Variants in PPP5C observed in about 807,000 individuals in gnomAD.
PPP5C encodes the protein serine/threonine-protein phosphatase 5.
A neutral mutation model predicts 66.7 loss-of-function variants in PPP5C; 21 were observed. That is an observed-to-expected ratio of 0.31 (90% confidence interval 0.22 to 0.45). The LOEUF (loss-of-function observed/expected upper bound fraction) is 0.45. Among genes scored for constraint, PPP5C ranks in the 20% least tolerant of loss-of-function variants. The pLI is 1.00. For missense variants in PPP5C, 464 were observed against 675.9 expected (o/e 0.69, Z 3.48); for synonymous variants, 246 against 257.4 (o/e 0.96, Z 0.43).
At chr19:46,382,690 A>G (rs1251455881) in intron 4 of PPP5C, 1 of 640,150 alleles carries the variant, frequency 1.6e-6, no homozygotes, top group Non-Finnish European at 1.9e-6. Context: ...AGTTGCAGCC[A>G]TCATAACCTG....
intron 2 of PPP5C, among the ~76,000 whole-genome samples, chr19:46,365,868 C>T (rs568598724): frequency 9.8e-5 from 15 of 152,294 alleles, no homozygotes; most frequent in African/African-American, 3.6e-4. Flanking sequence ...GAAGTGCAGC[C>T]ACCAGTGCCA....
At chr19:46,351,916 G>A (rs1248302124) in intron 1 of PPP5C, among the ~76,000 whole-genome samples, 1 of 152,226 alleles carries the variant, frequency 6.6e-6, no homozygotes, top group Non-Finnish European at 1.5e-5. Context: ...CGGAGGAGGG[G>A]ACATGTGAGC....
rs1188993039 is a variant in PPP5C, at chr19:46,347,226, G to A, written c.121+9G>A. On this transcript the variant is annotated intron_variant, in intron 1 of 12. Coordinates refer to ENST00000012443, the MANE Select transcript of PPP5C (RefSeq NM_006247.4). ...CAATGACTACTTCAAAGGTGCGCCC[G>A]CCTGGCAGGGAGGGTGGACAGTGGC... The A allele has an allele frequency of 1.3e-6, 2 of 1,599,534 alleles. No homozygotes were observed. Among genetic ancestry groups the A allele is most frequent in the Admixed American group, 1.7e-5 (1 of 58,384 alleles).
At chr19:46,379,456 G>A (rs1335619097) in intron 4 of PPP5C, among the ~76,000 whole-genome samples, 1 of 152,130 alleles carries the variant, frequency 6.6e-6, no homozygotes, top group Non-Finnish European at 1.5e-5. Context: ...CTAAAGTGCT[G>A]GAATTACAGG....
chr19:46,389,460 C>CACACACACAG (rs1568580025), intron 11 of PPP5C, among the ~76,000 whole-genome samples: 5 of 120,810 alleles, frequency 4.1e-5, no homozygotes, highest in Admixed American at 1.7e-4. Context: ...CACACACACA[C>CACACACACAG]AGTGTTGATC....
intron 7 of PPP5C, 67 bp downstream of exon 7, chr19:46,384,976 G>T: frequency 5.0e-6 from 6 of 1,188,442 alleles, no homozygotes; most frequent in Non-Finnish European, 7.5e-6. Context: ...ACTCTGCAAG[G>T]ATAATAGTTG....
chr19:46,371,767 G>A (rs1240022543), intron 2 of PPP5C, among the ~76,000 whole-genome samples: 2 of 152,186 alleles, frequency 1.3e-5, no homozygotes, highest in African/African-American at 2.4e-5. Flanking sequence ...CACTAGCAGC[G>A]GCATTTCCTG....
intron 2 of PPP5C, among the ~76,000 whole-genome samples, chr19:46,369,961 C>T (rs1435990946): frequency 6.6e-6 from 1 of 151,172 alleles, no homozygotes; most frequent in Non-Finnish European, 1.5e-5. Context: ...TCTAGTACAC[C>T]TGTTTAGGGC....
intron 2 of PPP5C, among the ~76,000 whole-genome samples, chr19:46,371,576 T>C (rs1817926682): frequency 1.3e-5 from 2 of 152,136 alleles, no homozygotes; most frequent in African/African-American, 4.8e-5. Flanking sequence ...AGTCAGGCCA[T>C]AAGCAGGGCA....
intron 2 of PPP5C, among the ~76,000 whole-genome samples, chr19:46,374,622 C>T (rs573451641): frequency 6.6e-5 from 10 of 152,298 alleles, no homozygotes; most frequent in African/African-American, 2.2e-4. Context: ...TCACTGGGAA[C>T]TTGCTATGTC....
chr19:46,355,063 G>A (rs1972260377), intron 2 of PPP5C, among the ~76,000 whole-genome samples: 1 of 152,250 alleles, frequency 6.6e-6, no homozygotes, highest in African/African-American at 2.4e-5. Context: ...GCACAGATGA[G>A]GAAACAGTCC....
Position 46,388,664 on chromosome 19 carries a change from A to G in PPP5C, c.1288A>G (p.Lys430Glu), listed in dbSNP as rs1972935105. The change falls in exon 11 of 13, where the codon AAG becomes GAG. Residue 430 changes from lysine (K) to glutamate (E), a missense_variant. Coordinates refer to ENST00000012443, the MANE Select transcript of PPP5C (RefSeq NM_006247.4). This position sits in a 1 kb window ranked among gnomAD's most constrained non-coding sequence, Gnocchi z 4.9. ...CTATATCATCCGCAGCCACGAAGTCAAGGCCGAGGGCTACGAGGTGGCTCA... is the reference window on the plus strand; with the variant it reads ...CTATATCATCCGCAGCCACGAAGTCGAGGCCGAGGGCTACGAGGTGGCTCA... Reference protein sequence around the residue: ...LDYIIRSHEVKAEGYEVAHGG... With the variant: ...LDYIIRSHEVEAEGYEVAHGG... 1 of 1,614,056 alleles carries G rather than the reference A, an allele frequency of 6.2e-7. No homozygotes were observed. Among genetic ancestry groups the G allele is most frequent in the Non-Finnish European group, 8.5e-7 (1 of 1,180,030 alleles).
Position 46,347,267 on chromosome 19 carries a change from C to T in PPP5C, c.121+50C>T, listed in dbSNP as rs370247630. 2.5e-5 allele frequency: 39 copies of T among 1,541,556 alleles called. No homozygotes were observed. The African/African-American group carries it at 4.8e-4, about 19-fold the overall frequency. ...GGACAGTGGCCCAGGCTGAGGGGTGCCGGGCCCGCGCGGAACCATAGCAAC... is the reference window on the plus strand; with the variant it reads ...GGACAGTGGCCCAGGCTGAGGGGTGTCGGGCCCGCGCGGAACCATAGCAAC... On this transcript the variant is annotated intron_variant, in intron 1 of 12. Coordinates refer to ENST00000012443, the MANE Select transcript of PPP5C (RefSeq NM_006247.4).
intron 1 of PPP5C, among the ~76,000 whole-genome samples, chr19:46,348,109 A>C (rs543066235): frequency 6.6e-6 from 1 of 152,122 alleles, no homozygotes; most frequent in South Asian, 2.1e-4. Context: ...TTTAAGCTGA[A>C]ACTCACAGAG....
At chr19:46,370,621 C>A (rs745676184) in intron 2 of PPP5C, among the ~76,000 whole-genome samples, 2 of 152,196 alleles carry the variant, frequency 1.3e-5, no homozygotes, top group Admixed American at 6.5e-5. Flanking sequence ...GAGACATTCC[C>A]ATGGCTGTGC....
intron 2 of PPP5C, among the ~76,000 whole-genome samples, chr19:46,369,488 C>T (rs1972546646): frequency 6.6e-6 from 1 of 150,878 alleles, no homozygotes; most frequent in South Asian, 2.1e-4. Context: ...AAAAATTAGC[C>T]GGGCGTGGTG....
chr19:46,350,595 C>T (rs1226262662), intron 1 of PPP5C, among the ~76,000 whole-genome samples: 4 of 152,172 alleles, frequency 2.6e-5, no homozygotes, highest in Non-Finnish European at 5.9e-5. Flanking sequence ...GCCCCAGGCT[C>T]CAGGGCTGTG....
chr19:46,370,201 C>T (rs1374021241), intron 2 of PPP5C, among the ~76,000 whole-genome samples: 1 of 152,170 alleles, frequency 6.6e-6, no homozygotes, highest in Non-Finnish European at 1.5e-5. Flanking sequence ...TTAAAACTTT[C>T]TCACTTTGTT....
intron 4 of PPP5C, among the ~76,000 whole-genome samples, chr19:46,378,627 T>G (rs1177203714): frequency 6.6e-6 from 1 of 152,210 alleles, no homozygotes; most frequent in African/African-American, 2.4e-5. Context: ...TATTTTGAAA[T>G]TTTTATTAGG....
Sources: gnomAD v4.1 joint callset for allele counts (sites outside exome capture counted in the v4.1 genomes callset) on GRCh38, gnomAD v4.1.1 for gene constraint, Gnocchi (gnomAD v3.1) non-coding constraint, MANE v1.5 for transcripts, NCBI Gene and HGNC (gene_info 2026-07-23, HGNC 2026-07-21) for gene names.